Variants in DCBLD2 observed in about 807,000 individuals in gnomAD.
The protein encoded by DCBLD2 is discoidin, CUB and LCCL domain-containing protein 2.
In DCBLD2, 54 loss-of-function variants were observed where a neutral mutation model predicts 86.8. The ratio of observed to expected loss-of-function variants is 0.62; its 90% CI spans 0.50 to 0.78. The LOEUF is 0.78. Among genes scored for constraint, DCBLD2 ranks in the 30% least tolerant of loss-of-function variants. The pLI, the probability that DCBLD2 is intolerant of heterozygous loss-of-function variation, is 0.00. For missense variants in DCBLD2, 908 were observed against 954.2 expected (o/e 0.95, Z 0.64); for synonymous variants, 354 against 341.3 (o/e 1.04, Z -0.41).
At chr3:98,843,511 C>T (rs920010119) in intron 3 of DCBLD2, among the ~76,000 whole-genome samples, 1 of 151,998 alleles carries the variant, frequency 6.6e-6, no homozygotes, top group African/African-American at 2.4e-5. Context: ...AAAAAATAAC[C>T]GGTTACAGAA....
rs139078286 is a variant in DCBLD2 at position 98,899,194 on chromosome 3, A to C, written c.205+1928T>G. Among the ~76,000 whole-genome samples, 3 of 152,132 alleles carry C rather than the reference A, an allele frequency of 2.0e-5. No homozygotes were observed. In the East Asian group the frequency reaches 5.8e-4, roughly 29 times the overall value. ...TTTGTTAAAATGTTCTGGTAAAAAA[A>C]AATTATATTAAACCTTAAAAAATGA... On this transcript the variant is annotated intron_variant, in intron 1 of 15. Transcript: ENST00000326840.
At chr3:98,875,800 G>A (rs563133188) in intron 2 of DCBLD2, among the ~76,000 whole-genome samples, 16 of 152,234 alleles carry the variant, frequency 1.1e-4, no homozygotes, top group African/African-American at 3.9e-4. Flanking sequence ...AAACCACTGG[G>A]ACAAAGATAA....
At chr3:98,845,204 A>G (rs1294566927) in intron 3 of DCBLD2, among the ~76,000 whole-genome samples, 1 of 152,196 alleles carries the variant, frequency 6.6e-6, no homozygotes, top group East Asian at 1.9e-4. Flanking sequence ...TATTGCTCAA[A>G]GATCATTAAA....
chr3:98,861,441 T>A lies in DCBLD2; in HGVS notation c.434-11843A>T, dbSNP rs142512671. On this transcript the variant is annotated intron_variant, in intron 2 of 15. Coordinates refer to ENST00000326840, the MANE Select transcript of DCBLD2 (RefSeq NM_080927.4). ...AATATACGTTCTTCTCAGCACCACA[T>A]TGCACTTATTCCAAAATTGACCACA... 5.4e-3 allele frequency among the ~76,000 whole-genome samples: 817 copies of A among 152,236 alleles called. 7 individuals are homozygous for A. The highest frequency in any genetic ancestry group is 0.019 in the African/African-American group (772 of 41,542).
intron 3 of DCBLD2, among the ~76,000 whole-genome samples, chr3:98,847,250 G>A (rs1222766959): frequency 2.6e-5 from 4 of 152,068 alleles, no homozygotes; most frequent in African/African-American, 7.2e-5. Flanking sequence ...TCCTCACAAC[G>A]AATCCATTCA....
intron 3 of DCBLD2, among the ~76,000 whole-genome samples, chr3:98,826,846 C>T (rs928025082): frequency 3.9e-5 from 6 of 152,090 alleles, no homozygotes; most frequent in Admixed American, 2.0e-4. Context: ...TACATATAAA[C>T]GCTTGATTAA....
intron 3 of DCBLD2, among the ~76,000 whole-genome samples, chr3:98,841,340 A>AT (rs1942616517): frequency 6.6e-6 from 1 of 152,242 alleles, no homozygotes. Context: ...ATTATCTGCC[A>AT]TAACTGATAT....
At chr3:98,840,155 G>A (rs1456831773) in intron 3 of DCBLD2, among the ~76,000 whole-genome samples, 2 of 152,170 alleles carry the variant, frequency 1.3e-5, no homozygotes, top group East Asian at 3.9e-4. Context: ...AGAGTAGATT[G>A]AAGGGGGAAA....
intron 2 of DCBLD2, among the ~76,000 whole-genome samples, chr3:98,869,876 T>C (rs2107509991): frequency 6.6e-6 from 1 of 152,334 alleles, no homozygotes; most frequent in Non-Finnish European, 1.5e-5. Flanking sequence ...TTTCAGTGGC[T>C]GAGATTTTAT....
chr3:98,830,579 C>T (rs926080819), intron 3 of DCBLD2, among the ~76,000 whole-genome samples: 9 of 152,184 alleles, frequency 5.9e-5, no homozygotes, highest in Admixed American at 2.0e-4. Flanking sequence ...GCTCTCTACT[C>T]TGTTCTATTG....
Position 98,901,134 on chromosome 3 carries a change from C to T in DCBLD2, c.193G>A (p.Gly65Arg). 1 of 1,539,702 alleles carries T rather than the reference C, an allele frequency of 6.5e-7. No individual in the cohort carries two copies. The highest frequency in any genetic ancestry group is 2.4e-5 in the East Asian group (1 of 40,900). The part of the protein sequence containing the change: ...LVLLLLLEDA[G>R]AQQGDGCGHT... ...TGGGACCACTCACCTTGCTGGGCTC[C>T]AGCGTCCTCGAGCAGCAGGAGCAGG... is the stretch of plus-strand genomic sequence containing the variant. Residue 65 changes from glycine to arginine, a missense_variant, in exon 1 of 16, where the codon GGA becomes AGA. Gly to Arg is a moderately radical substitution (Grantham distance 125, BLOSUM62 -2). This residue lies in a region of DCBLD2 where 294 missense variants were observed against 256.0 expected (regional missense o/e 1.15). Coordinates refer to ENST00000326840, the MANE Select transcript of DCBLD2 (RefSeq NM_080927.4).
chr3:98,849,722 C>T, intron 2 of DCBLD2, 124 bp from the exon 3 acceptor site: 1 of 1,071,396 alleles, frequency 9.3e-7, no homozygotes, highest in East Asian at 2.6e-5. Flanking sequence ...GGAATAATGA[C>T]TAAAATGTTT....
chr3:98,839,118 T>TTTA, intron 3 of DCBLD2, among the ~76,000 whole-genome samples: 1 of 77,558 alleles, frequency 1.3e-5, no homozygotes, highest in Admixed American at 1.7e-4. Context: ...TCTTTCTTTC[T>TTTA]TTTTCTTTCT....
rs1279102301 is a variant in DCBLD2 at position 98,901,107 on chromosome 3, C to G, written c.205+15G>C. On this transcript the variant is annotated intron_variant, in intron 1 of 15. Coordinates refer to ENST00000326840, the MANE Select transcript of DCBLD2 (RefSeq NM_080927.4). Reference sequence around the variant, plus strand: ...CGGAGGTTCCCCCGCCGCTCACTCCCCTGGGACCACTCACCTTGCTGGGCT... The same window carrying G: ...CGGAGGTTCCCCCGCCGCTCACTCCGCTGGGACCACTCACCTTGCTGGGCT... 1 of 1,539,086 alleles carries G rather than the reference C, an allele frequency of 6.5e-7. No individual in the cohort carries two copies. The highest frequency in any genetic ancestry group is 8.7e-7 in the Non-Finnish European group (1 of 1,146,604).
intron 3 of DCBLD2, among the ~76,000 whole-genome samples, chr3:98,834,723 T>C (rs2107462678): frequency 6.6e-6 from 1 of 152,140 alleles, no homozygotes; most frequent in African/African-American, 2.4e-5. Context: ...ATTGATTCTA[T>C]ATTTTAGCTA....
At chr3:98,868,041 G>C (rs1025222671) in intron 2 of DCBLD2, among the ~76,000 whole-genome samples, 32 of 152,026 alleles carry the variant, frequency 2.1e-4, no homozygotes, top group Non-Finnish European at 3.4e-4. Flanking sequence ...CTGACCTTGT[G>C]ATCTGCCCAC....
chr3:98,809,604 T>A (rs1941901746), intron 12 of DCBLD2, among the ~76,000 whole-genome samples: 1 of 152,124 alleles, frequency 6.6e-6, no homozygotes, highest in African/African-American at 2.4e-5. Flanking sequence ...GAGCGGTAAC[T>A]GAGAGTGGGT....
Position 98,817,895 on chromosome 3 carries a change from T to C in DCBLD2, c.1088-2A>G, listed in dbSNP as rs757708723. 2 of 1,612,728 alleles carry C rather than the reference T, an allele frequency of 1.2e-6. No individual in the cohort carries two copies. Among genetic ancestry groups the C allele is most frequent in the South Asian group, 1.1e-5 (1 of 90,992 alleles). On this transcript the variant is annotated splice_acceptor_variant, in intron 8 of 15. Coordinates refer to ENST00000326840, the MANE Select transcript of DCBLD2 (RefSeq NM_080927.4). LOFTEE classifies it high-confidence loss of function. The stretch of plus-strand genomic sequence containing the variant: ...TGGTGGATCCAGTGGTTATAATGCC[T>C]GGGGAATGAAGAGTTGCTTTCATTA...
intron 9 of DCBLD2, chr3:98,816,258 CA>C (rs1486117684): frequency 3.4e-5 from 5 of 147,000 alleles, no homozygotes; most frequent in Admixed American, 3.4e-4. Context: ...AAAAAAAAAC[CA>C]AAAAACCACT....
Sources: allele counts gnomAD v4.1 joint callset (sites outside exome capture counted in the v4.1 genomes callset), GRCh38; gene constraint gnomAD v4.1.1; regional missense constraint gnomAD v4.1.1; transcripts MANE v1.5; gene names NCBI Gene and HGNC (gene_info 2026-07-23, HGNC 2026-07-21).